The following TGFBR3 variants were observed in gnomAD, a reference collection of about 807,000 sequenced individuals.
TGFBR3 encodes transforming growth factor beta receptor 3, also known as transforming growth factor beta receptor type 3.
Under a neutral mutation model 87.9 loss-of-function variants are expected in TGFBR3, and 46 were observed. The ratio of observed to expected loss-of-function variants is 0.52; its 90% CI spans 0.41 to 0.67. TGFBR3 has a LOEUF of 0.67. TGFBR3 is among the 30% of genes least tolerant of loss of function. TGFBR3 has a pLI of 0.00. For missense variants in TGFBR3, 866 were observed against 1,041.9 expected, an observed-to-expected ratio of 0.83 and a Z score of 2.32; for synonymous variants, 381 against 391.6, an observed-to-expected ratio of 0.97 and a Z score of 0.32.
At chr1:91,890,903 C>T (rs566892770), upstream of TGFBR3, among the ~76,000 whole-genome samples, 1,163 of 147,070 alleles carry the variant, frequency 7.9e-3, 12 homozygotes, top group African/African-American at 0.028. Flanking sequence ...CTCATATTTC[C>T]TTTTTTTTTT....
At chr1:91,800,241 A>T (rs12067593) in intron 2 of TGFBR3, among the ~76,000 whole-genome samples, 13,200 of 128,480 alleles carry the variant, frequency 0.1, 720 homozygotes, top group Non-Finnish European at 0.11. Flanking sequence ...AAAAAAAAAA[A>T]ATATATATAT....
In TGFBR3 at chr1:91,683,564, G is replaced by T; in HGVS notation, c.*175C>A. ...CAGGGTCATGTTTATACTAGCCCTG[G>T]GTGTGGGGTGAATACAACGGGTGAT... On this transcript the variant is annotated 3_prime_UTR_variant, in exon 17 of 17. Coordinates refer to ENST00000212355, the MANE Select transcript of TGFBR3 (RefSeq NM_003243.5). 2 of 702,226 alleles carry T rather than the reference G, an allele frequency of 2.8e-6. No individual in the cohort carries two copies. Among genetic ancestry groups the T allele is most frequent in the Non-Finnish European group, 5.2e-6 (2 of 387,658 alleles). The allele number at this position is 702,226 out of a possible 1,614,324, so 43.5% of individuals were successfully genotyped here.
rs763902185 is a variant in TGFBR3 at position 91,716,268 on chromosome 1, A to G, written c.1834T>C (p.Ser612Pro). The G allele has an allele frequency of 3.1e-6, 5 of 1,614,178 alleles. No individual in the cohort carries two copies. The Admixed American group carries it at 6.7e-5, about 22-fold the overall frequency. ...TAAACGTGTCCATTCTCTGGCACAG[A>G]GAAGACGCCCTGGGAGGGCACCAAA... ...LFLVPSQGVF[S>P]VPENGHVYVE... The change falls in exon 12 of 17, where the codon TCT becomes CCT. Residue 612 changes from serine (S) to proline (P), a missense_variant. Transcript: ENST00000212355.
At chr1:91,856,345 C>T (rs372574751) in intron 2 of TGFBR3, among the ~76,000 whole-genome samples, 30 of 152,258 alleles carry the variant, frequency 2.0e-4, no homozygotes, top group African/African-American at 7.2e-4. Flanking sequence ...GGATTACAGG[C>T]GTGAGCCACC....
chr1:91,755,664 T>C (rs150199129), intron 4 of TGFBR3, among the ~76,000 whole-genome samples: 2 of 152,332 alleles, frequency 1.3e-5, no homozygotes, highest in African/African-American at 4.8e-5. Context: ...TGTTAGTGTC[T>C]AAACTGATGA....
chr1:91,701,692 T>C (rs1449665208), intron 14 of TGFBR3, among the ~76,000 whole-genome samples: 1 of 152,124 alleles, frequency 6.6e-6, no homozygotes, highest in East Asian at 1.9e-4. Context: ...CTTTTGGCCT[T>C]TAGTGCTCAA....
intron 1 of TGFBR3, among the ~76,000 whole-genome samples, chr1:91,873,783 C>T (rs144500930): frequency 8.6e-4 from 131 of 152,128 alleles, no homozygotes; most frequent in African/African-American, 2.8e-3. Context: ...TCCGTCTCTA[C>T]CAAAAATACA....
chr1:91,787,942 GGA>G (rs1675030026), intron 3 of TGFBR3, among the ~76,000 whole-genome samples: 1 of 129,254 alleles, frequency 7.7e-6, no homozygotes, highest in South Asian at 2.2e-4. Context: ...TGTCTCACGG[GGA>G]AAAAAAAAAA....
At chr1:91,710,929 C>T (rs539993095) in intron 13 of TGFBR3, among the ~76,000 whole-genome samples, 7 of 152,316 alleles carry the variant, frequency 4.6e-5, no homozygotes, top group East Asian at 1.9e-4. Flanking sequence ...ACTCTCTTTA[C>T]GATTAATTTT....
At chr1:91,852,595 T>C (rs972054272) in intron 2 of TGFBR3, among the ~76,000 whole-genome samples, 1 of 152,148 alleles carries the variant, frequency 6.6e-6, no homozygotes, top group African/African-American at 2.4e-5. Context: ...AGACCTAGTT[T>C]CGCTCTTGTT....
chr1:91,856,107 G>A (rs1418229124), intron 2 of TGFBR3, among the ~76,000 whole-genome samples: 1 of 152,116 alleles, frequency 6.6e-6, no homozygotes, highest in African/African-American at 2.4e-5. Context: ...CTGTCGCCCA[G>A]GCTGGAGTGC....
chr1:91,823,317 C>G (rs1204612370), intron 2 of TGFBR3, among the ~76,000 whole-genome samples: 1 of 152,172 alleles, frequency 6.6e-6, no homozygotes, highest in Non-Finnish European at 1.5e-5. Flanking sequence ...CTTTGAAGAA[C>G]TGCGTGGCAA....
intron 3 of TGFBR3, among the ~76,000 whole-genome samples, chr1:91,792,491 A>C (rs1204554079): frequency 6.6e-6 from 1 of 152,230 alleles, no homozygotes; most frequent in Non-Finnish European, 1.5e-5. Context: ...GTAATGGCTA[A>C]CTTGGGACTT....
chr1:91,870,853 A>AAAAT (rs374242323), intron 1 of TGFBR3, among the ~76,000 whole-genome samples: 14 of 152,144 alleles, frequency 9.2e-5, no homozygotes, highest in South Asian at 4.2e-4. Flanking sequence ...GGAGTTTCTG[A>AAAAT]AAATAAATAA....
intron 2 of TGFBR3, among the ~76,000 whole-genome samples, chr1:91,825,368 G>A (rs1676595674): frequency 6.6e-6 from 1 of 152,210 alleles, no homozygotes; most frequent in African/African-American, 2.4e-5. Flanking sequence ...CATGCTAAGT[G>A]AAAGAAATTG....
Position 91,682,687 on chromosome 1 carries a change from A to C in TGFBR3, c.*1052T>G, listed in dbSNP as rs780868960. The C allele has an allele frequency of 3.5e-5, 16 of 453,842 alleles. No individual in the cohort carries two copies. The highest frequency in any genetic ancestry group is 6.6e-5 in the Non-Finnish European group (15 of 226,776). The allele number at this position is 453,842 out of a possible 1,614,324, so 28.1% of individuals were successfully genotyped here. A position where few individuals can be genotyped will look rare whatever the true frequency, so the allele number is the denominator to read the frequency against. The stretch of plus-strand genomic sequence containing the variant: ...TCTTGCTACAGTTTGGTTTTTATGA[A>C]AGGGCCTATTTTTTTTTAAGTTGAC... On this transcript the variant is annotated 3_prime_UTR_variant, in exon 17 of 17. Coordinates refer to ENST00000212355, the MANE Select transcript of TGFBR3 (RefSeq NM_003243.5).
intron 1 of TGFBR3, among the ~76,000 whole-genome samples, chr1:91,880,889 G>T (rs1188322946): frequency 6.7e-6 from 1 of 149,276 alleles, no homozygotes; most frequent in Non-Finnish European, 1.5e-5. Context: ...TATAGTTATA[G>T]ATTATATATA....
At chr1:91,815,335 A>AAACTAAACT (rs1571538692) in intron 2 of TGFBR3, among the ~76,000 whole-genome samples, 1 of 126,776 alleles carries the variant, frequency 7.9e-6, no homozygotes, top group East Asian at 4.1e-4. Flanking sequence ...ATAAAATAAA[A>AAACTAAACT]TAAAATAGGG....
chr1:91,782,805 G>A (rs2100969984), intron 3 of TGFBR3, among the ~76,000 whole-genome samples: 1 of 152,230 alleles, frequency 6.6e-6, no homozygotes, highest in Admixed American at 6.5e-5. Flanking sequence ...TCTCCCCCAA[G>A]GCACCTCGGT....
Sources: gnomAD v4.1 joint callset for allele counts (sites outside exome capture counted in the v4.1 genomes callset) on GRCh38, gnomAD v4.1.1 for gene constraint, MANE v1.5 for transcripts, NCBI Gene and HGNC (gene_info 2026-07-23, HGNC 2026-07-21) for gene names.